Variants in ZSWIM6 observed in about 807,000 individuals in gnomAD.
ZSWIM6 encodes zinc finger SWIM domain-containing protein 6.
In ZSWIM6, 9 loss-of-function variants were observed where a neutral mutation model predicts 113.2. The observed-to-expected ratio is 0.08, with a 90% CI of 0.05 to 0.14. The LOEUF (loss-of-function observed/expected upper bound fraction) is 0.14, where lower values mean the gene tolerates loss of function less well. Ranked by LOEUF, ZSWIM6 falls within the 10% of genes least tolerant of loss-of-function variation. ZSWIM6 has a pLI of 1.00. For missense variants in ZSWIM6, 1,162 were observed against 1,552.2 expected (o/e 0.75, Z 4.22); for synonymous variants, 611 against 606.5 (o/e 1.01, Z -0.11).
At chr5:61,489,164 CT>C (rs1748112561) in intron 2 of ZSWIM6, among the ~76,000 whole-genome samples, 1 of 152,002 alleles carries the variant, frequency 6.6e-6, no homozygotes, top group African/African-American at 2.4e-5. Flanking sequence ...TCAAGTTCTT[CT>C]CACATGCAGA....
At chr5:61,398,999 T>A (rs1463274229) in intron 1 of ZSWIM6, among the ~76,000 whole-genome samples, 6 of 140,076 alleles carry the variant, frequency 4.3e-5, no homozygotes, top group African/African-American at 1.6e-4. Flanking sequence ...CTCTGCTCAC[T>A]GCAACCTCCG....
intron 1 of ZSWIM6, among the ~76,000 whole-genome samples, chr5:61,426,488 C>G (rs1444871939): frequency 6.6e-6 from 1 of 152,146 alleles, no homozygotes; most frequent in African/African-American, 2.4e-5. Flanking sequence ...TATTTTCTTA[C>G]AAAACTACAT....
At chr5:61,441,086 G>A (rs1370734860) in intron 1 of ZSWIM6, among the ~76,000 whole-genome samples, 2 of 151,986 alleles carry the variant, frequency 1.3e-5, no homozygotes, top group Non-Finnish European at 2.9e-5. Context: ...GAGGAGAAGG[G>A]GCATATTTGG....
chr5:61,517,806 T>A (rs1285182470), intron 4 of ZSWIM6, among the ~76,000 whole-genome samples: 1 of 151,130 alleles, frequency 6.6e-6, no homozygotes, highest in Non-Finnish European at 1.5e-5. Context: ...TATTTATTAT[T>A]ATTATACTTT....
chr5:61,530,087 C>A lies in ZSWIM6; in HGVS notation c.1873C>A (p.Leu625Met), dbSNP rs1272601414. 8 of 1,551,404 alleles carry A rather than the reference C, an allele frequency of 5.2e-6. No individual in the cohort carries two copies. Among genetic ancestry groups the A allele is most frequent in the Non-Finnish European group, 5.2e-6 (6 of 1,146,826 alleles). The part of the protein sequence containing the change: ...PHKNITSITN[L>M]EGWVGHPLDP... ...TAAAAACATAACCTCGATAACCAAT[C>A]TGGAGGGCTGGGTTGGACATCCCCT... is the stretch of plus-strand genomic sequence containing the variant. The change falls in exon 8 of 14, where the codon CTG (leucine) becomes ATG (methionine). Residue 625 changes from leucine to methionine, a missense_variant. Physicochemically the swap from Leu to Met is conservative, Grantham distance 15 (BLOSUM62 2). Transcript: ENST00000252744.
At chr5:61,530,751 AG>A (rs1749409840) in intron 8 of ZSWIM6, among the ~76,000 whole-genome samples, 1 of 152,150 alleles carries the variant, frequency 6.6e-6, no homozygotes. Context: ...CAGTGGGTGG[AG>A]GTAAGGCAGG....
At chr5:61,407,057 A>G (rs991636464) in intron 1 of ZSWIM6, among the ~76,000 whole-genome samples, 1 of 152,178 alleles carries the variant, frequency 6.6e-6, no homozygotes, top group African/African-American at 2.4e-5. Flanking sequence ...AAAAATAACA[A>G]ACACAGTTCC....
intron 1 of ZSWIM6, among the ~76,000 whole-genome samples, chr5:61,367,872 A>G (rs56885035): frequency 0.081 from 12,360 of 152,102 alleles, 737 homozygotes; most frequent in South Asian, 0.19. Context: ...TGTAATCCCA[A>G]CATTTTGGGA....
chr5:61,388,304 TTG>T (rs1745631524), intron 1 of ZSWIM6, among the ~76,000 whole-genome samples: 2 of 152,058 alleles, frequency 1.3e-5, no homozygotes, highest in Non-Finnish European at 2.9e-5. Flanking sequence ...TTTAAATCAG[TTG>T]TGTGTTTGTA....
rs1262946696 is a variant in ZSWIM6 at position 61,332,791 on chromosome 5, TGCCGCC to T, written c.546_551del (p.Ala183_Ala184del). On this transcript the variant is annotated inframe_deletion, in exon 1 of 14. Coordinates refer to ENST00000252744, the MANE Select transcript of ZSWIM6 (RefSeq NM_020928.2). ...CCGCAACCTCGGCCGCCGCCGCCGCTGCCGCCGCCGCCGCCGCCGCCGCCGCCGCCG... is the reference window on the plus strand; with the variant it reads ...CCGCAACCTCGGCCGCCGCCGCCGCTGCCGCCGCCGCCGCCGCCGCCGCCG... 753 of 765,658 alleles carry T rather than the reference TGCCGCC, an allele frequency of 9.8e-4. 4 individuals are homozygous for T. The highest frequency in any genetic ancestry group is 5.3e-3 in the African/African-American group (248 of 47,002). 47.4% of individuals were successfully genotyped at this position (765,658 alleles called of 1,614,324 possible).
chr5:61,489,245 C>A (rs999381995), intron 2 of ZSWIM6, among the ~76,000 whole-genome samples: 4 of 151,980 alleles, frequency 2.6e-5, no homozygotes, highest in Non-Finnish European at 5.9e-5. Context: ...CAGATCTCAG[C>A]TCAGTGCCAT....
At chr5:61,460,496 A>G (rs1170311222) in intron 1 of ZSWIM6, among the ~76,000 whole-genome samples, 2 of 152,180 alleles carry the variant, frequency 1.3e-5, no homozygotes, top group African/African-American at 4.8e-5. Context: ...CTCTTCTGTT[A>G]ACATACATAG....
intron 1 of ZSWIM6, among the ~76,000 whole-genome samples, chr5:61,364,919 A>G (rs1745119106): frequency 6.6e-6 from 1 of 152,158 alleles, no homozygotes; most frequent in Non-Finnish European, 1.5e-5. Context: ...TCAATGACTA[A>G]TTTCATGGTC....
chr5:61,440,737 T>C (rs1397298677), intron 1 of ZSWIM6, among the ~76,000 whole-genome samples: 1 of 152,212 alleles, frequency 6.6e-6, no homozygotes. Context: ...CTAAGCTATG[T>C]TGGTTGAGTG....
intron 1 of ZSWIM6, among the ~76,000 whole-genome samples, chr5:61,340,503 AGGTATTTTT>A (rs1744520677): frequency 6.6e-6 from 1 of 152,220 alleles, no homozygotes; most frequent in Non-Finnish European, 1.5e-5. Flanking sequence ...GAAAGAGGAA[AGGTATTTTT>A]GTAAATAAAA....
chr5:61,410,533 C>A (rs551666248), intron 1 of ZSWIM6, among the ~76,000 whole-genome samples: 7 of 152,160 alleles, frequency 4.6e-5, no homozygotes, highest in African/African-American at 1.7e-4. Flanking sequence ...TGGTCTCGAT[C>A]TCCTGACCTC....
intron 1 of ZSWIM6, among the ~76,000 whole-genome samples, chr5:61,384,634 G>A (rs914042172): frequency 3.9e-5 from 6 of 152,122 alleles, no homozygotes; most frequent in Non-Finnish European, 8.8e-5. Context: ...GTGCTGGTGG[G>A]GTGACTTTGA....
At chr5:61,397,988 A>G (rs1188408021) in intron 1 of ZSWIM6, among the ~76,000 whole-genome samples, 2 of 152,208 alleles carry the variant, frequency 1.3e-5, no homozygotes, top group Non-Finnish European at 1.5e-5. Context: ...GCTGTCCTGT[A>G]AGCCTCTGGT....
chr5:61,433,361 G>T (rs897782101), intron 1 of ZSWIM6, among the ~76,000 whole-genome samples: 1 of 152,216 alleles, frequency 6.6e-6, no homozygotes, highest in East Asian at 1.9e-4. Flanking sequence ...AATTGTGTGT[G>T]CATGTGTGTG....
Sources: gnomAD v4.1 joint callset for allele counts (sites outside exome capture counted in the v4.1 genomes callset) on GRCh38, gnomAD v4.1.1 for gene constraint, MANE v1.5 for transcripts, NCBI Gene and HGNC (gene_info 2026-07-23, HGNC 2026-07-21) for gene names.